The following EPHA6 variants were observed in gnomAD, a reference collection of about 807,000 sequenced individuals.
The protein encoded by EPHA6 is EPH receptor A6.
A neutral mutation model predicts 112.0 loss-of-function variants in EPHA6; 50 were observed. That is an observed-to-expected ratio of 0.45 (90% CI 0.36 to 0.56). The LOEUF is 0.56. Among genes scored for constraint, EPHA6 ranks in the 20% least tolerant of loss-of-function variants. EPHA6 has a pLI of 0.00. For synonymous variants in EPHA6, 529 were observed against 490.7 expected (o/e 1.08, Z -1.03); for missense variants, 1,280 against 1,417.4 (o/e 0.90, Z 1.56).
chr3:96,997,331 A>G (rs181198976), intron 3 of EPHA6, among the ~76,000 whole-genome samples: 1 of 152,142 alleles, frequency 6.6e-6, no homozygotes, highest in East Asian at 1.9e-4. Flanking sequence ...TGCAATCACA[A>G]CTTGGCTAAC....
intron 12 of EPHA6, among the ~76,000 whole-genome samples, chr3:97,603,526 G>A (rs1179549825): frequency 1.3e-5 from 2 of 151,766 alleles, no homozygotes; most frequent in Non-Finnish European, 2.9e-5. Context: ...TAAATTAAGG[G>A]GGAAAATGGA....
intron 3 of EPHA6, among the ~76,000 whole-genome samples, chr3:97,123,524 A>G (rs72922315): frequency 0.027 from 4,093 of 152,218 alleles, 172 homozygotes; most frequent in African/African-American, 0.09. Flanking sequence ...TTGGCAATAC[A>G]TGTGTGGGTC....
At chr3:97,579,257 A>G (rs2093415849) in intron 11 of EPHA6, among the ~76,000 whole-genome samples, 1 of 152,210 alleles carries the variant, frequency 6.6e-6, no homozygotes, top group South Asian at 2.1e-4. Flanking sequence ...TTTGAAAAGT[A>G]AGTTTAAACC....
chr3:97,452,678 T>A (rs13434237), intron 7 of EPHA6, among the ~76,000 whole-genome samples: 17,931 of 151,592 alleles, frequency 0.12, 3,371 homozygotes, highest in African/African-American at 0.4. Context: ...TGGGAGATAG[T>A]TGGAAATTAG....
At chr3:96,896,395 CT>C (rs1275233245) in intron 2 of EPHA6, among the ~76,000 whole-genome samples, 1 of 152,154 alleles carries the variant, frequency 6.6e-6, no homozygotes, top group Non-Finnish European at 1.5e-5. Flanking sequence ...CTGCACAGCA[CT>C]TTCTTTGTTT....
At chr3:96,983,644 G>A (rs561173970) in intron 2 of EPHA6, among the ~76,000 whole-genome samples, 2 of 152,324 alleles carry the variant, frequency 1.3e-5, no homozygotes, top group Non-Finnish European at 2.9e-5. Flanking sequence ...GTCCTGCAGA[G>A]TGTTTTCCAA....
Position 96,987,420 on chromosome 3 carries a change from C to T in EPHA6, c.541C>T (p.Leu181Phe). 1 of 1,613,870 alleles carries T rather than the reference C, an allele frequency of 6.2e-7. No homozygotes were observed. Among genetic ancestry groups the T allele is most frequent in the Non-Finnish European group, 8.5e-7 (1 of 1,179,818 alleles). Residue 181 changes from leucine (L) to phenylalanine (F), a missense_variant, in exon 3 of 18, where the codon CTT becomes TTT. Leu to Phe is a conservative substitution (Grantham distance 22, BLOSUM62 0). This residue lies in a region of EPHA6 where 878 missense variants were observed against 999.7 expected (regional missense o/e 0.88). Transcript: ENST00000389672. ...NVMEPNQNNW[L>F]RTNWISRDAA... ...AATGGAACCAAACCAAAACAACTGG[C>T]TTCGTACAAACTGGATCTCCCGTGA...
chr3:97,676,817 T>C (rs189092159), intron 14 of EPHA6, among the ~76,000 whole-genome samples: 1 of 152,202 alleles, frequency 6.6e-6, no homozygotes, highest in Non-Finnish European at 1.5e-5. Flanking sequence ...TCTCTTCAGA[T>C]AGCTTTTATT....
rs191400320 is a variant in EPHA6, at chr3:96,832,404, C to A, written c.385+17396C>A. Among the ~76,000 whole-genome samples the A allele has an allele frequency of 2.0e-5, 3 of 152,018 alleles. No homozygotes were observed. In the East Asian group the frequency reaches 5.8e-4, roughly 29 times the overall value. On this transcript the variant is annotated intron_variant, in intron 1 of 17. Coordinates refer to ENST00000389672, the MANE Select transcript of EPHA6 (RefSeq NM_001080448.3). ...AGAATAGCATATATTTTCTTTTCCC[C>A]AAGTGTAATTTGTAACATCCTTTGT...
chr3:97,632,267 A>G (rs1317613518), intron 13 of EPHA6, among the ~76,000 whole-genome samples: 1 of 152,064 alleles, frequency 6.6e-6, no homozygotes, highest in Admixed American at 6.6e-5. Context: ...GTTTAGTTCA[A>G]TTTAGTGAAT....
At chr3:97,644,719 T>C (rs1288705792) in intron 14 of EPHA6, among the ~76,000 whole-genome samples, 2 of 149,352 alleles carry the variant, frequency 1.3e-5, no homozygotes, top group Non-Finnish European at 3.0e-5. Context: ...ACACATACAC[T>C]CTCCCAAGAC....
intron 3 of EPHA6, among the ~76,000 whole-genome samples, chr3:97,088,652 T>G (rs2046976335): frequency 1.3e-5 from 2 of 152,214 alleles, no homozygotes; most frequent in Admixed American, 6.5e-5. Flanking sequence ...TCCACAGTCT[T>G]CTGTTCCTCC....
chr3:96,899,176 C>G (rs1257932637), intron 2 of EPHA6, among the ~76,000 whole-genome samples: 2 of 152,022 alleles, frequency 1.3e-5, no homozygotes, highest in Non-Finnish European at 2.9e-5. Context: ...CCCTTTTAAG[C>G]TTCTAGTGTT....
At chr3:96,820,470 T>TGAAATATGTTTTGTAA (rs2033166525) in intron 1 of EPHA6, among the ~76,000 whole-genome samples, 1 of 151,950 alleles carries the variant, frequency 6.6e-6, no homozygotes, top group East Asian at 1.9e-4. Flanking sequence ...AAGATGGGTT[T>TGAAATATGTTTTGTAA]GAAATATGTT....
rs78548266 is a variant in EPHA6, at chr3:96,911,617, T to A, written c.450+44728T>A. ...TCAAAGTTTAACATTTGTTCATACA[T>A]GGTGCTGGGCAAATTCTTGTCTGTC... On this transcript the variant is annotated intron_variant, in intron 2 of 17. Transcript: ENST00000389672. Among the ~76,000 whole-genome samples the A allele has an allele frequency of 9.5e-3, 1,441 of 152,124 alleles. 23 individuals carry two copies. The highest frequency in any genetic ancestry group is 0.034 in the African/African-American group (1,395 of 41,544).
chr3:96,912,767 A>C (rs559705064), intron 2 of EPHA6, among the ~76,000 whole-genome samples: 58 of 151,904 alleles, frequency 3.8e-4, no homozygotes, highest in Admixed American at 2.0e-3. Flanking sequence ...TTTTCAAAAA[A>C]ATTTTATAGT....
At chr3:97,312,359 G>A (rs900007864) in intron 5 of EPHA6, among the ~76,000 whole-genome samples, 1 of 151,550 alleles carries the variant, frequency 6.6e-6, no homozygotes, top group Non-Finnish European at 1.5e-5. Context: ...GTCCTGATTT[G>A]CGTGGAGTGG....
intron 5 of EPHA6, among the ~76,000 whole-genome samples, chr3:97,288,321 A>C (rs1039185519): frequency 2.6e-5 from 4 of 152,220 alleles, no homozygotes; most frequent in Admixed American, 2.6e-4. Context: ...CCACTTAAAA[A>C]TGAGAACATG....
intron 2 of EPHA6, among the ~76,000 whole-genome samples, chr3:96,875,709 A>G (rs1264487685): frequency 6.6e-6 from 1 of 152,000 alleles, no homozygotes; most frequent in Non-Finnish European, 1.5e-5. Context: ...GTCTTTCTGT[A>G]AAAATATGTA....
Sources: gnomAD v4.1 joint callset for allele counts (sites outside exome capture counted in the v4.1 genomes callset) on GRCh38, gnomAD v4.1.1 for gene constraint, gnomAD v4.1.1 regional missense constraint, MANE v1.5 for transcripts, NCBI Gene and HGNC (gene_info 2026-07-23, HGNC 2026-07-21) for gene names.